Variants in SLC46A1 observed in about 807,000 individuals in gnomAD.
SLC46A1 encodes the protein solute carrier family 46 member 1, also known as proton-coupled folate transporter.
In SLC46A1, 17 loss-of-function variants were observed where a neutral mutation model predicts 32.1. That is an observed-to-expected ratio of 0.53 (90% CI 0.36 to 0.79). The LOEUF is 0.79. Ranked by LOEUF, SLC46A1 falls within the 30% of genes least tolerant of loss-of-function variation. SLC46A1 has a pLI of 0.00. For missense variants in SLC46A1, 517 were observed against 588.2 expected, an observed-to-expected ratio of 0.88 and a Z score of 1.25; for synonymous variants, 240 against 262.7, an observed-to-expected ratio of 0.91 and a Z score of 0.84.
rs886052748 is a variant in SLC46A1, at chr17:28,398,436, T to C, written c.*1220A>G. On this transcript the variant is annotated 3_prime_UTR_variant, in exon 5 of 5. Transcript: ENST00000612814. ...TGTGTTCAGAGGTGACTGCCACCCA[T>C]ACTAGGACAAACACAGCTCAGATCA... 1 of 152,254 alleles carries C rather than the reference T, an allele frequency of 6.6e-6. No homozygotes were observed. Among genetic ancestry groups the C allele is most frequent in the Non-Finnish European group, 1.5e-5 (1 of 68,120 alleles). The allele number at this position is 152,254 out of a possible 1,614,324, so 9.4% of individuals were successfully genotyped here.
At chr17:28,404,491 G>A (rs1555590348) in intron 2 of SLC46A1, 125 bp downstream of exon 2, 1 of 1,264,172 alleles carries the variant, frequency 7.9e-7, no homozygotes. Flanking sequence ...TCCAGTGCAG[G>A]CTGGGGGCAT....
chr17:28,399,618 T>A lies in SLC46A1; in HGVS notation c.*38A>T. 3 of 1,611,980 alleles carry A rather than the reference T, an allele frequency of 1.9e-6. No homozygotes were observed. Among genetic ancestry groups the A allele is most frequent in the Non-Finnish European group, 2.5e-6 (3 of 1,178,196 alleles). On this transcript the variant is annotated 3_prime_UTR_variant, in exon 5 of 5. Transcript: ENST00000612814. ...AGACCTCCAGTTGCTTGGTGTTCAC[T>A]TTGCTCCTCTTGCCCTCTGTCTTCT...
Position 28,404,847 on chromosome 17 carries a change from C to T in SLC46A1, c.850G>A (p.Ala284Thr), listed in dbSNP as rs1365953067. 6.2e-7 allele frequency: 1 copy of T among 1,613,954 alleles called. No individual in the cohort carries two copies. Among genetic ancestry groups the T allele is most frequent in the Non-Finnish European group, 8.5e-7 (1 of 1,179,892 alleles). ...TCATAAAGGGTTAAGATGTCCTGGG[C>T]CCCAAAGTGCACAGTGATCACCACG... ...IFVVITVHFG[A>T]QDILTLYELS... The change falls in exon 2 of 5, where the codon GCC becomes ACC. Residue 284 changes from alanine (A) to threonine (T), a missense_variant. Transcript: ENST00000612814.
chr17:28,396,548 G>A lies in SLC46A1; in HGVS notation c.*3108C>T. The A allele has an allele frequency of 1.9e-6, 1 of 524,206 alleles. No individual in the cohort carries two copies. Among genetic ancestry groups the A allele is most frequent in the South Asian group, 2.3e-5 (1 of 43,892 alleles). The allele number at this position is 524,206 out of a possible 1,614,324, so 32.5% of individuals were successfully genotyped here. A position where few individuals can be genotyped will look rare whatever the true frequency, so the allele number is the denominator to read the frequency against. ...CCATTGGGTTGTCTGTCTCCGTCAT[G>A]GGGAGGGTCCCTGCTCAGTTCTGGA... On this transcript the variant is annotated 3_prime_UTR_variant, in exon 5 of 5. Coordinates refer to ENST00000612814, the MANE Select transcript of SLC46A1 (RefSeq NM_080669.6).
At position 28,401,201 on chromosome 17, in the gene SLC46A1, TC is replaced by T. The variant is rs2068193773; in HGVS notation, c.1166-436del. 4 of 205,222 alleles carry T rather than the reference TC, an allele frequency of 1.9e-5. No homozygotes were observed. In the South Asian group the frequency reaches 3.4e-4, roughly 18 times the overall value. 12.7% of individuals were successfully genotyped at this position (205,222 alleles called of 1,614,324 possible). ...CTGAATAGCTTCTTATCCTTTGGGT[TC>T]CTGTTCCTCCTTCTGCTAAATAAGG... On this transcript the variant is annotated intron_variant, in intron 3 of 4. Transcript: ENST00000612814.
chr17:28,399,503 G>T lies in SLC46A1; in HGVS notation c.*153C>A, dbSNP rs2142451521. On this transcript the variant is annotated 3_prime_UTR_variant, in exon 5 of 5. Coordinates refer to ENST00000612814, the MANE Select transcript of SLC46A1 (RefSeq NM_080669.6). ...CTGGGTCAGCTGTGGATGGGGTGGT[G>T]CCTTGGTCTCTCTTGACTACCTCGT... is the stretch of plus-strand genomic sequence containing the variant. 1.4e-6 allele frequency: 1 copy of T among 714,550 alleles called. No homozygotes were observed. The allele number at this position is 714,550 out of a possible 1,614,324, so 44.3% of individuals were successfully genotyped here. A position where few individuals can be genotyped will look rare whatever the true frequency, so the allele number is the denominator to read the frequency against.
Position 28,400,609 on chromosome 17 carries a change from C to G in SLC46A1, c.1322+1G>C. ...AGCATGGGTTCAGGGCCCTGCATTACCCAATCAGAACAGCCGGGATGAGCA... is the reference window on the plus strand; with the variant it reads ...AGCATGGGTTCAGGGCCCTGCATTAGCCAATCAGAACAGCCGGGATGAGCA... On this transcript the variant is annotated splice_donor_variant, in intron 4 of 4. Coordinates refer to ENST00000612814, the MANE Select transcript of SLC46A1 (RefSeq NM_080669.6). LOFTEE classifies it high-confidence loss of function. 1 of 1,613,612 alleles carries G rather than the reference C, an allele frequency of 6.2e-7. No individual in the cohort carries two copies. The highest frequency in any genetic ancestry group is 8.5e-7 in the Non-Finnish European group (1 of 1,179,726).
rs1555590515 is a variant in SLC46A1, at chr17:28,404,846, G to A, written c.851C>T (p.Ala284Val). 1.9e-6 allele frequency: 3 copies of A among 1,613,848 alleles called. No homozygotes were observed. The highest frequency in any genetic ancestry group is 2.7e-5 in the African/African-American group (2 of 74,890). The change falls in exon 2 of 5, where the codon GCC becomes GTC. Residue 284 changes from alanine to valine, a missense_variant. Transcript: ENST00000612814. ...TTCATAAAGGGTTAAGATGTCCTGG[G>A]CCCCAAAGTGCACAGTGATCACCAC... ...IFVVITVHFGAQDILTLYELS... is the reference protein window; with the variant it reads ...IFVVITVHFGVQDILTLYELS...
At position 28,395,755 on chromosome 17, in the gene SLC46A1, A is replaced by T; in HGVS notation, c.*3901T>A. The T allele has an allele frequency of 1.3e-6, 1 of 747,064 alleles. No homozygotes were observed. The highest frequency in any genetic ancestry group is 2.2e-6 in the Non-Finnish European group (1 of 448,316). The allele number at this position is 747,064 out of a possible 1,614,324, so 46.3% of individuals were successfully genotyped here. Reference sequence around the variant, plus strand: ...AAATATTTATTTTTTATTACACTACAAGGGTTAAGGTAGACATCAAGGTGG... The same window carrying T: ...AAATATTTATTTTTTATTACACTACTAGGGTTAAGGTAGACATCAAGGTGG... On this transcript the variant is annotated 3_prime_UTR_variant, in exon 5 of 5. Transcript: ENST00000612814.
At position 28,406,057 on chromosome 17, in the gene SLC46A1, G is replaced by C; in HGVS notation, c.58C>G (p.Leu20Val). Residue 20 changes from leucine (L) to valine (V), a missense_variant, in exon 1 of 5, where the codon CTG becomes GTG. By Grantham distance (32) the Leu-to-Val change is conservative (BLOSUM62 1). Transcript: ENST00000612814. This position sits in a 1 kb window ranked among gnomAD's most constrained non-coding sequence, Gnocchi z 4.5. ...KPRARPAAAV[L>V]CRGPVEPLVF... Reference sequence around the variant, plus strand: ...AGCGGCTCTACCGGGCCCCGGCACAGCACGGCAGCCGCAGGGCGGGCGCGG... The same window carrying C: ...AGCGGCTCTACCGGGCCCCGGCACACCACGGCAGCCGCAGGGCGGGCGCGG... 6.2e-7 allele frequency: 1 copy of C among 1,601,854 alleles called. No individual in the cohort carries two copies. Among genetic ancestry groups the C allele is most frequent in the Non-Finnish European group, 8.5e-7 (1 of 1,175,932 alleles).
intron 1 of SLC46A1, 82 bp downstream of exon 1, chr17:28,405,805 A>G (rs1490223131): frequency 2.8e-5 from 40 of 1,408,804 alleles, no homozygotes; most frequent in Non-Finnish European, 3.6e-5. Context: ...CGCCACTACC[A>G]TTACGCAGGC....
rs1196063040 is a variant in SLC46A1 at position 28,399,421 on chromosome 17, T to G, written c.*235A>C. 1.8e-6 allele frequency: 1 copy of G among 551,834 alleles called. No homozygotes were observed. Among genetic ancestry groups the G allele is most frequent in the Non-Finnish European group, 3.2e-6 (1 of 308,760 alleles). The allele number at this position is 551,834 out of a possible 1,614,324, so 34.2% of individuals were successfully genotyped here. On this transcript the variant is annotated 3_prime_UTR_variant, in exon 5 of 5. Coordinates refer to ENST00000612814, the MANE Select transcript of SLC46A1 (RefSeq NM_080669.6). ...TGACTCCTGTCCCAAATAGCTCCTC[T>G]GCCACCTGTCCTGCAGTGGGCCTGT... is the stretch of plus-strand genomic sequence containing the variant.
intron 4 of SLC46A1, 81 bp from the exon 5 acceptor site, chr17:28,399,794 T>C: frequency 6.8e-7 from 1 of 1,460,736 alleles, no homozygotes. Flanking sequence ...CAGGATTTAC[T>C]GGGGTGGGCT....
chr17:28,399,256 C>T lies in SLC46A1; in HGVS notation c.*400G>A, dbSNP rs1003506774. 3 of 191,084 alleles carry T rather than the reference C, an allele frequency of 1.6e-5. No individual in the cohort carries two copies. Among genetic ancestry groups the T allele is most frequent in the Admixed American group, 5.5e-5 (1 of 18,298 alleles). The allele number at this position is 191,084 out of a possible 1,614,324, so 11.8% of individuals were successfully genotyped here. ...TGATGACTGCTACACGTGTTGGGAACCTGGTTGGGGCTGTGCAGTTTGGGC... is the reference window on the plus strand; with the variant it reads ...TGATGACTGCTACACGTGTTGGGAATCTGGTTGGGGCTGTGCAGTTTGGGC... On this transcript the variant is annotated 3_prime_UTR_variant, in exon 5 of 5. Coordinates refer to ENST00000612814, the MANE Select transcript of SLC46A1 (RefSeq NM_080669.6).
chr17:28,402,345 A>C, intron 2 of SLC46A1, 24 bp from the exon 3 acceptor site: 3 of 1,603,958 alleles, frequency 1.9e-6, no homozygotes, highest in Non-Finnish European at 2.6e-6. Flanking sequence ...AACACTCATC[A>C]GGAAAATGGG....
chr17:28,400,433 G>T, intron 4 of SLC46A1, 177 bp downstream of exon 4: 1 of 754,464 alleles, frequency 1.3e-6, no homozygotes, highest in Non-Finnish European at 2.1e-6. Context: ...TCTCGCCCTT[G>T]GAAAATGGCT....
upstream of SLC46A1, chr17:28,406,358 G>A (rs782442463): frequency 7.5e-6 from 3 of 402,670 alleles, no homozygotes; most frequent in South Asian, 8.9e-5. This position sits in a 1 kb window ranked among gnomAD's most constrained non-coding sequence, Gnocchi z 4.5. Context: ...GACCTCACCT[G>A]TAAAGTGTGC....
In SLC46A1 at chr17:28,400,639, G is replaced by A. The variant is rs781853191; in HGVS notation, c.1293C>T (p.Gly431=). The A allele has an allele frequency of 2.5e-6, 4 of 1,613,660 alleles. No homozygotes were observed. In the African/African-American group the frequency reaches 5.3e-5, roughly 22 times the overall value. Reference sequence around the variant, plus strand: ...TCAGAACAGCCGGGATGAGCAGGAGGCCAGCTCCCAGGAGGAAGGGGAACC... The same window carrying A: ...TCAGAACAGCCGGGATGAGCAGGAGACCAGCTCCCAGGAGGAAGGGGAACC... ...MKGFPFLLGA[G]LLLIPAVLIG... is the part of the protein sequence containing the mutation. The change falls in exon 4 of 5, where the codon GGC becomes GGT. Residue 431 remains glycine (G), a synonymous_variant. Coordinates refer to ENST00000612814, the MANE Select transcript of SLC46A1 (RefSeq NM_080669.6).
At position 28,405,211 on chromosome 17, in the gene SLC46A1, A is replaced by C. The variant is rs1555590807; in HGVS notation, c.486T>G (p.Ala162=). 3 of 1,600,656 alleles carry C rather than the reference A, an allele frequency of 1.9e-6. No homozygotes were observed. In the South Asian group the frequency reaches 3.4e-5, roughly 18 times the overall value. ...ALLGDFGGLL[A]ASFASVADVS... is the part of the protein sequence containing the mutation. ...CATCTGCCACGGACGCAAAGCTAGCAGCCAGAAGGCCACCGAAGTCGCCGA... is the reference window on the plus strand; with the variant it reads ...CATCTGCCACGGACGCAAAGCTAGCCGCCAGAAGGCCACCGAAGTCGCCGA... The change falls in exon 2 of 5, where the codon GCT becomes GCG. Residue 162 remains alanine (A), a synonymous_variant. Transcript: ENST00000612814.
Sources: allele counts gnomAD v4.1 joint callset, GRCh38; gene constraint gnomAD v4.1.1; non-coding constraint Gnocchi (gnomAD v3.1); transcripts MANE v1.5; gene names NCBI Gene and HGNC (gene_info 2026-07-23, HGNC 2026-07-21).